Variants in UBAC2 observed in about 807,000 individuals in gnomAD.
The protein encoded by UBAC2 is UBA domain containing 2, also known as ubiquitin-associated domain-containing protein 2.
In UBAC2, 26 loss-of-function variants were observed where a neutral mutation model predicts 44.0. The observed-to-expected ratio is 0.59, with a 90% CI of 0.43 to 0.82. The LOEUF is 0.82. UBAC2 is among the 40% of genes least tolerant of loss of function. UBAC2 has a pLI of 0.00. For missense variants in UBAC2, 329 were observed against 419.4 expected, an observed-to-expected ratio of 0.78 and a Z score of 1.88; for synonymous variants, 155 against 154.3, an observed-to-expected ratio of 1.00 and a Z score of -0.04.
At chr13:99,379,499 T>A (rs1438824083) in intron 8 of UBAC2, among the ~76,000 whole-genome samples, 2 of 152,372 alleles carry the variant, frequency 1.3e-5, no homozygotes, top group East Asian at 1.9e-4. Context: ...TCATAGTTCC[T>A]TTTCATTTTC....
chr13:99,382,023 T>C (rs2045557710), intron 8 of UBAC2, among the ~76,000 whole-genome samples: 1 of 152,160 alleles, frequency 6.6e-6, no homozygotes, highest in Non-Finnish European at 1.5e-5. Context: ...ACATGCAGAA[T>C]GGATAATGAT....
chr13:99,323,532 A>G (rs574786448), intron 6 of UBAC2, among the ~76,000 whole-genome samples: 1 of 152,390 alleles, frequency 6.6e-6, no homozygotes, highest in Admixed American at 6.5e-5. Flanking sequence ...GAAGTTGAAG[A>G]CAAGTAGCAG....
chr13:99,209,176 A>G (rs943253773), intron 1 of UBAC2, among the ~76,000 whole-genome samples: 1 of 152,176 alleles, frequency 6.6e-6, no homozygotes, highest in Non-Finnish European at 1.5e-5. Flanking sequence ...CTGGTCACAG[A>G]TTTAGCACAT....
chr13:99,244,484 T>G (rs1462603949), intron 3 of UBAC2, 31 bp from the exon 4 acceptor site: 1 of 1,473,586 alleles, frequency 6.8e-7, no homozygotes, highest in South Asian at 1.1e-5. Context: ...GAGACTCATC[T>G]CTATCATTTT....
intron 4 of UBAC2, among the ~76,000 whole-genome samples, chr13:99,262,710 C>CAAAAAAAAAAAAAAAAA (rs61627160): frequency 8.7e-5 from 5 of 57,164 alleles, no homozygotes; most frequent in Non-Finnish European, 1.3e-4. Flanking sequence ...AACTCCCTCT[C>CAAAAAAAAAAAAAAAAA]AAAAAAAAAA....
At chr13:99,288,417 C>G (rs2149262) in intron 4 of UBAC2, among the ~76,000 whole-genome samples, 108,594 of 152,058 alleles carry the variant, frequency 0.71, 40,279 homozygotes, top group East Asian at 0.83. Flanking sequence ...TGCAGATAGA[C>G]AACAGCTTTA....
chr13:99,354,140 C>T lies in UBAC2; in HGVS notation c.807+13575C>T, dbSNP rs532739955. 6.1e-4 allele frequency among the ~76,000 whole-genome samples: 93 copies of T among 152,362 alleles called. 1 individual carries two copies. The highest frequency in any genetic ancestry group is 2.1e-3 in the African/African-American group (87 of 41,580). Reference sequence around the variant, plus strand: ...TCACTGCTCTGCACCTGCTCCCTCACGTGGACACTGTCCACAACTGTGGCT... The same window carrying T: ...TCACTGCTCTGCACCTGCTCCCTCATGTGGACACTGTCCACAACTGTGGCT... On this transcript the variant is annotated intron_variant, in intron 7 of 8. Coordinates refer to ENST00000403766, the MANE Select transcript of UBAC2 (RefSeq NM_001144072.2).
At chr13:99,276,168 C>T (rs2043879403) in intron 4 of UBAC2, among the ~76,000 whole-genome samples, 1 of 152,102 alleles carries the variant, frequency 6.6e-6, no homozygotes, top group African/African-American at 2.4e-5. Flanking sequence ...GGGTGTTTTC[C>T]AACGCTAACA....
At chr13:99,313,584 C>A (rs1280764817) in intron 4 of UBAC2, among the ~76,000 whole-genome samples, 1 of 151,796 alleles carries the variant, frequency 6.6e-6, no homozygotes, top group Non-Finnish European at 1.5e-5. Context: ...ATGGAGAAGC[C>A]AGAAGAGTGG....
chr13:99,271,291 G>A (rs2043812479), intron 4 of UBAC2, among the ~76,000 whole-genome samples: 1 of 152,176 alleles, frequency 6.6e-6, no homozygotes, highest in African/African-American at 2.4e-5. Context: ...TAATATTTGA[G>A]CAAAGACCTG....
intron 6 of UBAC2, among the ~76,000 whole-genome samples, chr13:99,333,179 C>A (rs1290131304): frequency 1.3e-5 from 2 of 152,270 alleles, no homozygotes; most frequent in Middle Eastern, 6.8e-3. Context: ...ATAACTGATG[C>A]TCTCTAAAAG....
rs372591764 is a variant in UBAC2 at position 99,244,480 on chromosome 13, C to A, written c.280-35C>A. On this transcript the variant is annotated intron_variant, in intron 3 of 8. Transcript: ENST00000403766. ...AATGTTAGTTTATTTTTAGGAGACT[C>A]ATCTCTATCATTTTTCTGCTGTTTT... 30 of 1,422,738 alleles carry A rather than the reference C, an allele frequency of 2.1e-5. 1 individual carries two copies. The Middle Eastern group carries it at 5.2e-4, about 25-fold the overall frequency. 88.1% of individuals were successfully genotyped at this position (1,422,738 alleles called of 1,614,324 possible). A position where few individuals can be genotyped will look rare whatever the true frequency, so the allele number is the denominator to read the frequency against.
chr13:99,382,567 C>T lies in UBAC2; in HGVS notation c.928-2661C>T, dbSNP rs1426047628. 3.3e-5 allele frequency among the ~76,000 whole-genome samples: 5 copies of T among 152,238 alleles called. 1 individual carries two copies. Among genetic ancestry groups the T allele is most frequent in the South Asian group, 2.1e-4 (1 of 4,820 alleles). ...CCGTGGTGTCACACTCAGTTCTGGG[C>T]GCGGTGTTCTGAGACGGTGTGCACA... On this transcript the variant is annotated intron_variant, in intron 8 of 8. Coordinates refer to ENST00000403766, the MANE Select transcript of UBAC2 (RefSeq NM_001144072.2).
chr13:99,234,184 T>C (rs1288888940), intron 1 of UBAC2, among the ~76,000 whole-genome samples: 7 of 126,730 alleles, frequency 5.5e-5, no homozygotes, highest in African/African-American at 1.2e-4. Context: ...TTTTTTTTTT[T>C]TTTTTTTTTT....
chr13:99,335,177 C>T (rs139191844), intron 6 of UBAC2, among the ~76,000 whole-genome samples: 38 of 152,198 alleles, frequency 2.5e-4, no homozygotes, highest in African/African-American at 8.4e-4. Context: ...ACTTTGAGAC[C>T]GAAAAATAAA....
At chr13:99,349,323 G>A (rs998966164) in intron 7 of UBAC2, among the ~76,000 whole-genome samples, 1 of 152,214 alleles carries the variant, frequency 6.6e-6, no homozygotes, top group African/African-American at 2.4e-5. Context: ...AAAGCCCTTG[G>A]AATCTCCACA....
At chr13:99,264,862 G>A (rs2043720148) in intron 4 of UBAC2, among the ~76,000 whole-genome samples, 1 of 148,200 alleles carries the variant, frequency 6.7e-6, no homozygotes, top group South Asian at 2.1e-4. Flanking sequence ...CCTCATCCCA[G>A]GGAGGAAAAC....
intron 6 of UBAC2, among the ~76,000 whole-genome samples, chr13:99,322,747 C>A (rs182636169): frequency 2.6e-4 from 39 of 152,258 alleles, no homozygotes; most frequent in African/African-American, 9.1e-4. Flanking sequence ...GGATTGTTTT[C>A]TGTAAGGAGT....
At chr13:99,313,761 TG>T (rs1474975959) in intron 4 of UBAC2, among the ~76,000 whole-genome samples, 1 of 152,238 alleles carries the variant, frequency 6.6e-6, no homozygotes, top group Non-Finnish European at 1.5e-5. Context: ...TTCTAATGTT[TG>T]CTGCTTTCGA....
Sources: gnomAD v4.1 joint callset for allele counts (sites outside exome capture counted in the v4.1 genomes callset) on GRCh38, gnomAD v4.1.1 for gene constraint, MANE v1.5 for transcripts, NCBI Gene and HGNC (gene_info 2026-07-23, HGNC 2026-07-21) for gene names.